CTXND1: variants seen among roughly 807,000 people sequenced by gnomAD.
CTXND1 encodes the protein cortexin domain containing 1, also known as cortexin domain-containing 1 protein.
chr15:80,238,682 A>G lies in CTXND1; in HGVS notation c.-218+13325T>C, dbSNP rs561853465. On this transcript the variant is annotated intron_variant, in intron 1 of 2. Coordinates refer to ENST00000560778, the MANE Select transcript of CTXND1 (RefSeq NM_001352888.2). The stretch of plus-strand genomic sequence containing the variant: ...AGTAGAAATGGAGTTTCACCTTGTT[A>G]GCCAGGATGGTCTCGATCTCCTGAC... Among the ~76,000 whole-genome samples the G allele has an allele frequency of 8.5e-5, 13 of 152,240 alleles. No individual in the cohort carries two copies. The South Asian group carries it at 2.7e-3, about 32-fold the overall frequency.
intron 1 of CTXND1, among the ~76,000 whole-genome samples, chr15:80,231,150 C>G (rs1370886364): frequency 6.6e-6 from 1 of 151,410 alleles, no homozygotes; most frequent in Non-Finnish European, 1.5e-5. Flanking sequence ...TGCTATCTAG[C>G]TTAATTCTGC....
In CTXND1 at chr15:80,249,340, GT is replaced by G. The variant is rs1567136889; in HGVS notation, c.-218+2666del. Among the ~76,000 whole-genome samples the G allele has an allele frequency of 7.2e-5, 11 of 152,290 alleles. No homozygotes were observed. In the South Asian group the frequency reaches 2.3e-3, roughly 32 times the overall value. ...GGGATAGAATGCCATTTTGGGGTCTGTGGGATTCTAACGGGACAAGGGCACT... is the reference window on the plus strand; with the variant it reads ...GGGATAGAATGCCATTTTGGGGTCTGGGGATTCTAACGGGACAAGGGCACT... On this transcript the variant is annotated intron_variant, in intron 1 of 2. Coordinates refer to ENST00000560778, the MANE Select transcript of CTXND1 (RefSeq NM_001352888.2).
chr15:80,226,484 T>C (rs1398620903), intron 1 of CTXND1, among the ~76,000 whole-genome samples: 1 of 152,190 alleles, frequency 6.6e-6, no homozygotes, highest in Non-Finnish European at 1.5e-5. Context: ...CTGCTAGTGT[T>C]AGAAAGCTCC....
intron 1 of CTXND1, among the ~76,000 whole-genome samples, chr15:80,219,663 T>C (rs943708323): frequency 6.6e-6 from 1 of 152,210 alleles, no homozygotes; most frequent in African/African-American, 2.4e-5. Context: ...TGGGAGCTCC[T>C]GCCACTTCAT....
At chr15:80,238,843 C>T (rs537968800) in intron 1 of CTXND1, among the ~76,000 whole-genome samples, 1 of 152,300 alleles carries the variant, frequency 6.6e-6, no homozygotes, top group South Asian at 2.1e-4. Flanking sequence ...AATAACATAC[C>T]GCCCAGGCCT....
At chr15:80,207,831 T>G (rs558716646) in intron 1 of CTXND1, among the ~76,000 whole-genome samples, 2 of 152,364 alleles carry the variant, frequency 1.3e-5, no homozygotes, top group Admixed American at 1.3e-4. Flanking sequence ...GGTGTTGCAC[T>G]GTAGGGTTCC....
rs1196967879 is a variant in CTXND1, at chr15:80,195,711, T to C, written c.*6059A>G. 4 of 152,182 alleles carry C rather than the reference T, an allele frequency of 2.6e-5. No individual in the cohort carries two copies. Among genetic ancestry groups the C allele is most frequent in the Non-Finnish European group, 2.9e-5 (2 of 68,038 alleles). 9.4% of individuals were successfully genotyped at this position (152,182 alleles called of 1,614,324 possible). A position where few individuals can be genotyped will look rare whatever the true frequency, so the allele number is the denominator to read the frequency against. On this transcript the variant is annotated 3_prime_UTR_variant, in exon 3 of 3. Coordinates refer to ENST00000560778, the MANE Select transcript of CTXND1 (RefSeq NM_001352888.2). ...GCCCTCATGGCCTAATCACCTCTCA[T>C]TGGGCCCCAGATCTCAACACTGTTG...
intron 1 of CTXND1, among the ~76,000 whole-genome samples, chr15:80,242,893 T>C (rs544590600): frequency 2.0e-5 from 3 of 152,280 alleles, no homozygotes; most frequent in African/African-American, 7.2e-5. Flanking sequence ...GCCCAGCCCC[T>C]GGAGGCATCT....
chr15:80,217,565 G>A lies in CTXND1; in HGVS notation c.-217-13825C>T, dbSNP rs140470873. On this transcript the variant is annotated intron_variant, in intron 1 of 2. Transcript: ENST00000560778. ...ATTTATTTATTTATTTATTTATTTAGAGACAGTGTCTGGCTTTGTCACCTG... is the reference window on the plus strand; with the variant it reads ...ATTTATTTATTTATTTATTTATTTAAAGACAGTGTCTGGCTTTGTCACCTG... Among the ~76,000 whole-genome samples the A allele has an allele frequency of 1.8e-3, 233 of 128,486 alleles. 2 individuals are homozygous for A. In the South Asian group the frequency reaches 0.022, roughly 12 times the overall value. 84.3% of individuals were successfully genotyped at this position (128,486 alleles called of 152,430 possible). A position where few individuals can be genotyped will look rare whatever the true frequency, so the allele number is the denominator to read the frequency against.
intron 1 of CTXND1, among the ~76,000 whole-genome samples, chr15:80,225,268 T>C (rs35971717): frequency 0.079 from 12,079 of 152,298 alleles, 556 homozygotes; most frequent in Middle Eastern, 0.11. Flanking sequence ...CCTGGAAGCT[T>C]ATAGGATATA....
At chr15:80,227,745 G>T (rs780932775) in intron 1 of CTXND1, among the ~76,000 whole-genome samples, 22 of 152,252 alleles carry the variant, frequency 1.4e-4, no homozygotes, top group Non-Finnish European at 2.9e-4. Context: ...GCTTCAGGAA[G>T]TTGTAATGTT....
Position 80,199,337 on chromosome 15 carries a change from G to T in CTXND1, c.*2433C>A, listed in dbSNP as rs773524143. On this transcript the variant is annotated 3_prime_UTR_variant, in exon 3 of 3. Transcript: ENST00000560778. ...TCCTCAAGTATTGCAGAGGCTGTTT[G>T]TCCTTCAACCACAGTTTAAGTTGCA... 2.6e-5 allele frequency: 4 copies of T among 152,232 alleles called. No homozygotes were observed. The highest frequency in any genetic ancestry group is 4.8e-5 in the African/African-American group (2 of 41,446). The allele number at this position is 152,232 out of a possible 1,614,324, so 9.4% of individuals were successfully genotyped here.
Position 80,201,863 on chromosome 15 carries a change from A to G in CTXND1, c.87T>C (p.Leu29=). ...TGGCACAGCGGATGATCATCACGAC[A>G]AGGAAGAGGCAGAGGAAGACGAAGC... ...LACFVFLCLF[L]VVMIIRCAKV... Residue 29 remains leucine, a synonymous_variant, in exon 3 of 3, where the codon CTT becomes CTC. Coordinates refer to ENST00000560778, the MANE Select transcript of CTXND1 (RefSeq NM_001352888.2). The G allele has an allele frequency of 2.5e-6, 1 of 398,882 alleles. No individual in the cohort carries two copies. Among genetic ancestry groups the G allele is most frequent in the South Asian group, 1.3e-4 (1 of 7,856 alleles). 24.7% of individuals were successfully genotyped at this position (398,882 alleles called of 1,614,324 possible).
chr15:80,246,469 T>C (rs781356683), intron 1 of CTXND1, among the ~76,000 whole-genome samples: 3 of 152,218 alleles, frequency 2.0e-5, no homozygotes, highest in Admixed American at 6.5e-5. Flanking sequence ...CAGGGAAGCT[T>C]TGGCTACTGG....
At chr15:80,222,972 T>C (rs903033335) in intron 1 of CTXND1, among the ~76,000 whole-genome samples, 1 of 152,258 alleles carries the variant, frequency 6.6e-6, no homozygotes, top group African/African-American at 2.4e-5. Flanking sequence ...AGATTAGTTT[T>C]ACCTGTCCTG....
At chr15:80,235,562 CA>C (rs1567133979) in intron 1 of CTXND1, among the ~76,000 whole-genome samples, 1 of 152,172 alleles carries the variant, frequency 6.6e-6, no homozygotes, top group Non-Finnish European at 1.5e-5. Flanking sequence ...CAGGGGAAAT[CA>C]AGTCCCAGTT....
intron 1 of CTXND1, among the ~76,000 whole-genome samples, chr15:80,208,225 G>A (rs569851981): frequency 4.0e-4 from 61 of 152,268 alleles, no homozygotes; most frequent in African/African-American, 1.4e-3. Context: ...CTGTGTCATG[G>A]AATACTCTTA....
At chr15:80,223,904 G>A (rs1264336688) in intron 1 of CTXND1, among the ~76,000 whole-genome samples, 4 of 152,158 alleles carry the variant, frequency 2.6e-5, no homozygotes, top group African/African-American at 9.7e-5. Context: ...CTTTGAAGAG[G>A]TTGAGTCCAT....
At chr15:80,249,099 T>C (rs550419683) in intron 1 of CTXND1, among the ~76,000 whole-genome samples, 28 of 152,244 alleles carry the variant, frequency 1.8e-4, no homozygotes, top group African/African-American at 6.7e-4. Flanking sequence ...ACTATAGGCA[T>C]ACCACCATGC....
Sources: gnomAD v4.1 joint callset for allele counts (sites outside exome capture counted in the v4.1 genomes callset) on GRCh38, gnomAD v4.1.1 for gene constraint, MANE v1.5 for transcripts, NCBI Gene and HGNC (gene_info 2026-07-23, HGNC 2026-07-21) for gene names.